The following CNOT4 variants were observed in gnomAD, a reference collection of about 807,000 sequenced individuals.
CNOT4 encodes CCR4-NOT transcription complex subunit 4.
CNOT4 carries 8 observed loss-of-function variants against 73.8 expected under a neutral mutation model. The observed-to-expected ratio is 0.11, with a 90% CI of 0.06 to 0.20. The LOEUF is 0.20. Among genes scored for constraint, CNOT4 ranks in the 10% least tolerant of loss-of-function variants. The pLI, the probability that CNOT4 is intolerant of heterozygous loss-of-function variation, is 1.00. For synonymous variants in CNOT4, 293 were observed against 321.1 expected (o/e 0.91, Z 0.94); for missense variants, 564 against 883.4 (o/e 0.64, Z 4.58).
intron 1 of CNOT4, among the ~76,000 whole-genome samples, chr7:135,475,942 A>C (rs1032786174): frequency 6.6e-6 from 1 of 152,178 alleles, no homozygotes; most frequent in East Asian, 1.9e-4. Context: ...AAAATGAGGG[A>C]AAAAAGTCTA....
intron 1 of CNOT4, 28 bp from the exon 2 acceptor site, chr7:135,438,451 T>C: frequency 1.4e-6 from 1 of 701,978 alleles, no homozygotes; most frequent in Non-Finnish European, 2.1e-6. Flanking sequence ...AAATACATTG[T>C]TTACTACTGG....
At chr7:135,452,046 A>C (rs1009247460) in intron 1 of CNOT4, among the ~76,000 whole-genome samples, 9 of 152,070 alleles carry the variant, frequency 5.9e-5, no homozygotes, top group Non-Finnish European at 2.9e-5. Flanking sequence ...CTAGGAGTTC[A>C]AGACCAGCCT....
chr7:135,474,677 C>A (rs965559999), intron 1 of CNOT4, among the ~76,000 whole-genome samples: 1 of 152,178 alleles, frequency 6.6e-6, no homozygotes, highest in African/African-American at 2.4e-5. Flanking sequence ...TAATCTGCTT[C>A]TGACTTCTTG....
At chr7:135,426,449 A>G (rs1441747972) in intron 2 of CNOT4, among the ~76,000 whole-genome samples, 2 of 151,960 alleles carry the variant, frequency 1.3e-5, no homozygotes, top group South Asian at 4.1e-4. Flanking sequence ...AAAAATAAAA[A>G]AAAATTAGCC....
chr7:135,484,445 G>A (rs1245967191), intron 1 of CNOT4, among the ~76,000 whole-genome samples: 2 of 152,038 alleles, frequency 1.3e-5, no homozygotes, highest in Non-Finnish European at 2.9e-5. Flanking sequence ...ATTAAGTTTA[G>A]CAAGGTTATA....
chr7:135,475,162 A>G (rs1801909354), intron 1 of CNOT4, among the ~76,000 whole-genome samples: 1 of 152,250 alleles, frequency 6.6e-6, no homozygotes, highest in South Asian at 2.1e-4. Flanking sequence ...AGCTAAGGAT[A>G]AGTCACAAAC....
intron 2 of CNOT4, among the ~76,000 whole-genome samples, chr7:135,427,152 G>A (rs1017950632): frequency 8.6e-5 from 13 of 152,000 alleles, no homozygotes; most frequent in Non-Finnish European, 4.4e-5. Context: ...TAGTTAACAT[G>A]GTTTGCAGTT....
chr7:135,484,894 T>C (rs1437611902), intron 1 of CNOT4, among the ~76,000 whole-genome samples: 1 of 152,050 alleles, frequency 6.6e-6, no homozygotes, highest in African/African-American at 2.4e-5. Flanking sequence ...TCTAACAAAA[T>C]ACATGCAGGA....
At chr7:135,494,146 C>A (rs899070253) in intron 1 of CNOT4, among the ~76,000 whole-genome samples, 1 of 151,154 alleles carries the variant, frequency 6.6e-6, no homozygotes, top group African/African-American at 2.4e-5. Context: ...ATATAGTGTC[C>A]ATCAATCTGA....
intron 1 of CNOT4, among the ~76,000 whole-genome samples, chr7:135,479,456 G>A (rs938815803): frequency 2.0e-5 from 3 of 151,634 alleles, no homozygotes; most frequent in Admixed American, 6.6e-5. Flanking sequence ...TGATCCGCCC[G>A]CCTCGGCCTC....
At chr7:135,454,094 T>A (rs1015853642) in intron 1 of CNOT4, among the ~76,000 whole-genome samples, 2 of 151,052 alleles carry the variant, frequency 1.3e-5, no homozygotes, top group African/African-American at 4.9e-5. Flanking sequence ...TACAGAAATA[T>A]AGCTATTAAT....
chr7:135,451,483 G>A (rs2129485885), intron 1 of CNOT4, among the ~76,000 whole-genome samples: 1 of 152,148 alleles, frequency 6.6e-6, no homozygotes, highest in East Asian at 1.9e-4. Flanking sequence ...TAGTAGAAAT[G>A]GGGTTTCATA....
At chr7:135,418,491 G>A (rs780447009) in intron 3 of CNOT4, among the ~76,000 whole-genome samples, 10 of 152,258 alleles carry the variant, frequency 6.6e-5, no homozygotes, top group South Asian at 2.1e-4. Context: ...AAACAGTCAA[G>A]TATTCATAGA....
At chr7:135,382,325 G>A (rs1326320855) in intron 10 of CNOT4, among the ~76,000 whole-genome samples, 1 of 152,198 alleles carries the variant, frequency 6.6e-6, no homozygotes, top group Non-Finnish European at 1.5e-5. Flanking sequence ...GACCAGCAAT[G>A]TTAGGTGGCT....
chr7:135,465,421 T>G (rs1220544730), intron 1 of CNOT4, among the ~76,000 whole-genome samples: 1 of 152,232 alleles, frequency 6.6e-6, no homozygotes, highest in Non-Finnish European at 1.5e-5. Context: ...CCAAGGGGAA[T>G]ACATTCCAAG....
chr7:135,403,451 T>C (rs1218816002), intron 7 of CNOT4, among the ~76,000 whole-genome samples: 1 of 152,202 alleles, frequency 6.6e-6, no homozygotes, highest in African/African-American at 2.4e-5. Flanking sequence ...AGTGGCATAA[T>C]TAGCTATTAA....
intron 1 of CNOT4, among the ~76,000 whole-genome samples, chr7:135,498,645 T>C (rs1803753772): frequency 6.6e-6 from 1 of 152,106 alleles, no homozygotes; most frequent in Non-Finnish European, 1.5e-5. Flanking sequence ...GCCTCCTAGG[T>C]TCAAGTGATT....
chr7:135,473,040 C>CAA (rs56311752), intron 1 of CNOT4, among the ~76,000 whole-genome samples: 1 of 122,676 alleles, frequency 8.2e-6, no homozygotes, highest in African/African-American at 3.0e-5. Flanking sequence ...GACTCTGTCT[C>CAA]AAAAAAAAAA....
rs948085707 is a variant in CNOT4, at chr7:135,424,090, C to T, written c.175-1737G>A. On this transcript the variant is annotated intron_variant, in intron 2 of 11. Transcript: ENST00000541284. ...ACACACACACACACACACACACACA[C>T]ATTTTTTATTAAAACATAAATTATT... 8.4e-4 allele frequency among the ~76,000 whole-genome samples: 104 copies of T among 123,094 alleles called. 3 individuals carry two copies. Among genetic ancestry groups the T allele is most frequent in the Non-Finnish European group, 2.3e-4 (13 of 57,466 alleles). The allele number at this position is 123,094 out of a possible 152,430, so 80.8% of individuals were successfully genotyped here.
Sources: allele counts gnomAD v4.1 joint callset (sites outside exome capture counted in the v4.1 genomes callset), GRCh38; gene constraint gnomAD v4.1.1; transcripts MANE v1.5; gene names NCBI Gene and HGNC (gene_info 2026-07-23, HGNC 2026-07-21).